The following SAMD4A variants were observed in gnomAD, a reference collection of about 807,000 sequenced individuals.
The protein encoded by SAMD4A is sterile alpha motif domain containing 4A.
A neutral mutation model predicts 81.3 loss-of-function variants in SAMD4A; 33 were observed. The ratio of observed to expected loss-of-function variants is 0.41; its 90% CI spans 0.31 to 0.54. SAMD4A has a LOEUF of 0.54. Ranked by LOEUF, SAMD4A falls within the 20% of genes least tolerant of loss-of-function variation. The probability of loss-of-function intolerance (pLI) is 0.37; values close to 1 mark genes in which losing one functional copy is unlikely to be tolerated. For synonymous variants in SAMD4A, 389 were observed against 382.1 expected (o/e 1.02, Z -0.21); for missense variants, 854 against 951.1 (o/e 0.90, Z 1.34).
chr14:54,705,546 A>T (rs1455789282), intron 3 of SAMD4A, among the ~76,000 whole-genome samples: 1 of 150,906 alleles, frequency 6.6e-6, no homozygotes, highest in African/African-American at 2.4e-5. Context: ...ATAAAAGGTA[A>T]CCAGAAGGCC....
intron 11 of SAMD4A, among the ~76,000 whole-genome samples, chr14:54,782,052 AC>A: frequency 6.6e-6 from 1 of 151,838 alleles, no homozygotes; most frequent in East Asian, 1.9e-4. Flanking sequence ...AGAAGCGAAC[AC>A]CCCCACTTCC....
chr14:54,661,511 T>C (rs1014343411), intron 2 of SAMD4A, among the ~76,000 whole-genome samples: 1 of 152,222 alleles, frequency 6.6e-6, no homozygotes, highest in Non-Finnish European at 1.5e-5. Flanking sequence ...CAGAGTCTCC[T>C]ATTCTGTGAA....
intron 9 of SAMD4A, 85 bp downstream of exon 9, chr14:54,770,307 G>A: frequency 1.2e-6 from 1 of 867,152 alleles, no homozygotes. Context: ...CAGGAATATG[G>A]CAGGGCACCA....
At chr14:54,742,066 A>T (rs2037857354) in intron 4 of SAMD4A, among the ~76,000 whole-genome samples, 1 of 152,196 alleles carries the variant, frequency 6.6e-6, no homozygotes, top group Non-Finnish European at 1.5e-5. Flanking sequence ...CGGAAGGGAC[A>T]GAGGATTCCA....
At chr14:54,757,425 G>T (rs59084724) in intron 6 of SAMD4A, among the ~76,000 whole-genome samples, 4,178 of 135,992 alleles carry the variant, frequency 0.031, 181 homozygotes, top group African/African-American at 0.1. Context: ...GTGTGTGTGT[G>T]TGTTTTGTTT....
chr14:54,638,538 G>A (rs571249767), intron 2 of SAMD4A, among the ~76,000 whole-genome samples: 1 of 152,280 alleles, frequency 6.6e-6, no homozygotes, highest in South Asian at 2.1e-4. Flanking sequence ...AATTATCAGA[G>A]GCTGTTTGTT....
chr14:54,766,062 A>G (rs1172530181), intron 8 of SAMD4A, among the ~76,000 whole-genome samples: 4 of 152,106 alleles, frequency 2.6e-5, no homozygotes, highest in South Asian at 4.1e-4. Context: ...AAAGTACTAG[A>G]CTTTTCACTG....
In SAMD4A at chr14:54,685,274, G is replaced by GCCCC. The variant is rs11323277; in HGVS notation, c.197-16780_197-16777dup. Reference sequence around the variant, plus strand: ...TAAACAATAACTCCCCATTCTTCCTGCCCCCCCCCCCAGCTCCTGGCAGCC... The same window carrying GCCCC: ...TAAACAATAACTCCCCATTCTTCCTGCCCCCCCCCCCCCCCAGCTCCTGGCAGCC... On this transcript the variant is annotated intron_variant, in intron 2 of 12. Transcript: ENST00000554335. Among the ~76,000 whole-genome samples, 30 of 140,326 alleles carry GCCCC rather than the reference G, an allele frequency of 2.1e-4. No homozygotes were observed. In the South Asian group the frequency reaches 3.3e-3, roughly 15 times the overall value. 92.1% of individuals were successfully genotyped at this position (140,326 alleles called of 152,430 possible). A position where few individuals can be genotyped will look rare whatever the true frequency, so the allele number is the denominator to read the frequency against.
intron 2 of SAMD4A, among the ~76,000 whole-genome samples, chr14:54,579,232 T>A (rs1441501859): frequency 6.6e-6 from 1 of 152,238 alleles, no homozygotes; most frequent in African/African-American, 2.4e-5. Context: ...GCCGTATATT[T>A]CAATAATTAG....
chr14:54,670,637 T>C (rs533270618), intron 2 of SAMD4A, among the ~76,000 whole-genome samples: 5 of 152,280 alleles, frequency 3.3e-5, no homozygotes, highest in African/African-American at 9.6e-5. Flanking sequence ...ATTACAAATA[T>C]AGGATATAAA....
At chr14:54,786,983 GC>G (rs1453927019) in intron 12 of SAMD4A, among the ~76,000 whole-genome samples, 3 of 152,182 alleles carry the variant, frequency 2.0e-5, no homozygotes, top group African/African-American at 7.2e-5. Context: ...GTTCAGGGTG[GC>G]CTAGTTGGGC....
At chr14:54,566,030 C>A (rs1394602763), upstream of SAMD4A, among the ~76,000 whole-genome samples, 1 of 152,238 alleles carries the variant, frequency 6.6e-6, no homozygotes, top group East Asian at 1.9e-4. Flanking sequence ...TCCCCCCGCT[C>A]GGGCGCTCCC....
chr14:54,630,658 G>T (rs998928512), intron 2 of SAMD4A, among the ~76,000 whole-genome samples: 2 of 152,114 alleles, frequency 1.3e-5, no homozygotes, highest in Non-Finnish European at 2.9e-5. Context: ...TGCTTTGGTG[G>T]TGGTGGTCAT....
chr14:54,640,643 C>A (rs752192976), intron 2 of SAMD4A, among the ~76,000 whole-genome samples: 4 of 152,132 alleles, frequency 2.6e-5, no homozygotes, highest in Non-Finnish European at 4.4e-5. Flanking sequence ...ACGGGAATGG[C>A]GCTGAATGCT....
rs71446502 is a variant in SAMD4A at position 54,626,057 on chromosome 14, T to TGC, written c.196+57946_196+57947insCG. 3.8e-3 allele frequency among the ~76,000 whole-genome samples: 398 copies of TGC among 105,768 alleles called. 1 individual carries two copies. Among genetic ancestry groups the TGC allele is most frequent in the East Asian group, 8.2e-3 (28 of 3,420 alleles). The allele number at this position is 105,768 out of a possible 152,430, so 69.4% of individuals were successfully genotyped here. A position where few individuals can be genotyped will look rare whatever the true frequency, so the allele number is the denominator to read the frequency against. ...GTGTGTGTGTGTGTGTGTGTGTGTG[T>TGC]GTGCGCGCGCGCGCGCGCGAGTGCG... On this transcript the variant is annotated intron_variant, in intron 2 of 12. Coordinates refer to ENST00000554335, the MANE Select transcript of SAMD4A (RefSeq NM_015589.6).
intron 2 of SAMD4A, among the ~76,000 whole-genome samples, chr14:54,661,440 G>C (rs1002442083): frequency 7.9e-5 from 12 of 152,212 alleles, no homozygotes; most frequent in African/African-American, 2.9e-4. Flanking sequence ...GGTTAGAACA[G>C]AGGGCTAATT....
At chr14:54,696,091 A>C (rs553996956) in intron 2 of SAMD4A, among the ~76,000 whole-genome samples, 1 of 152,310 alleles carries the variant, frequency 6.6e-6, no homozygotes, top group East Asian at 1.9e-4. Flanking sequence ...CAACTGGTCT[A>C]ATCCATACCA....
chr14:54,752,835 G>T (rs141405846), intron 6 of SAMD4A, among the ~76,000 whole-genome samples: 3 of 152,236 alleles, frequency 2.0e-5, no homozygotes, highest in African/African-American at 4.8e-5. Context: ...GGAGGGCAGG[G>T]TGATGATAAG....
intron 2 of SAMD4A, among the ~76,000 whole-genome samples, chr14:54,636,335 C>T (rs1399380983): frequency 6.6e-6 from 1 of 152,096 alleles, no homozygotes; most frequent in Non-Finnish European, 1.5e-5. Context: ...GGAGGCGAAA[C>T]CCCAAGAGGT....
Sources: gnomAD v4.1 joint callset for allele counts (sites outside exome capture counted in the v4.1 genomes callset) on GRCh38, gnomAD v4.1.1 for gene constraint, MANE v1.5 for transcripts, NCBI Gene and HGNC (gene_info 2026-07-23, HGNC 2026-07-21) for gene names.